The following FLT3LG variants were observed in gnomAD, a reference collection of about 807,000 sequenced individuals.
FLT3LG encodes the protein fms-related tyrosine kinase 3 ligand.
A neutral mutation model predicts 30.9 loss-of-function variants in FLT3LG; 8 were observed. That is an observed-to-expected ratio of 0.26 (90% CI 0.15 to 0.47). The LOEUF (loss-of-function observed/expected upper bound fraction) is 0.47. Ranked by LOEUF, FLT3LG falls within the 20% of genes least tolerant of loss-of-function variation. The pLI is 0.99. For missense variants in FLT3LG, 278 were observed against 306.2 expected (o/e 0.91, Z 0.69); for synonymous variants, 123 against 135.9 (o/e 0.91, Z 0.66).
chr19:49,485,195 G>T (rs1272765763), intron 8 of FLT3LG, among the ~76,000 whole-genome samples: 2 of 150,350 alleles, frequency 1.3e-5, no homozygotes, highest in Non-Finnish European at 3.0e-5. Flanking sequence ...CATGTGGCTT[G>T]TTACTCCCGT....
chr19:49,479,992 T>TG (rs1225076545), intron 6 of FLT3LG, among the ~76,000 whole-genome samples: 4 of 151,306 alleles, frequency 2.6e-5, no homozygotes, highest in Non-Finnish European at 5.9e-5. Context: ...TTAGTAGAGA[T>TG]GGGTTTTCAC....
In FLT3LG at chr19:49,478,323, C is replaced by T. The variant is rs1299573580; in HGVS notation, c.343-586C>T. Among the ~76,000 whole-genome samples, 7 of 151,416 alleles carry T rather than the reference C, an allele frequency of 4.6e-5. No individual in the cohort carries two copies. In the East Asian group the frequency reaches 5.9e-4, roughly 13 times the overall value. ...TCTACTAAAAATACAAACAATTAGC[C>T]GGGCGTGGTGGCAGGCGCCTGTAGT... On this transcript the variant is annotated intron_variant, in intron 5 of 8. Transcript: ENST00000597551.
At chr19:49,478,638 T>C (rs1193409839) in intron 5 of FLT3LG, among the ~76,000 whole-genome samples, 1 of 151,952 alleles carries the variant, frequency 6.6e-6, no homozygotes, top group Non-Finnish European at 1.5e-5. Context: ...CTGGGCATGG[T>C]GGTGGGCACC....
rs1375204578 is a variant in FLT3LG, at chr19:49,480,803, G to T, written c.*21+183G>T. ...TCCCAGCACTTTGGGAGGCCGAGGC[G>T]GGTGGATCACTTGAGGTCAGGAGTT... On this transcript the variant is annotated intron_variant, in intron 8 of 8. Coordinates refer to ENST00000597551, the MANE Select transcript of FLT3LG (RefSeq NM_001459.4). 4 of 616,416 alleles carry T rather than the reference G, an allele frequency of 6.5e-6. No individual in the cohort carries two copies. In the South Asian group the frequency reaches 8.0e-5, roughly 12 times the overall value. The allele number at this position is 616,416 out of a possible 1,614,324, so 38.2% of individuals were successfully genotyped here.
At chr19:49,478,853 G>T in intron 5 of FLT3LG, 56 bp from the exon 6 acceptor site, 1 of 1,439,214 alleles carries the variant, frequency 6.9e-7, no homozygotes, top group South Asian at 1.4e-5. Context: ...CCTTTGGCCT[G>T]CGGAGGGGCG....
chr19:49,474,867 A>G (rs2079320487), intron 2 of FLT3LG, among the ~76,000 whole-genome samples, 195 bp downstream of exon 2: 3 of 113,654 alleles, frequency 2.6e-5, no homozygotes, highest in East Asian at 2.9e-4. Context: ...GGATGGGGAG[A>G]TGGACAGAGG....
intron 1 of FLT3LG, 114 bp from the exon 2 acceptor site, chr19:49,474,489 G>A (rs2079303083): frequency 1.4e-6 from 1 of 710,212 alleles, no homozygotes; most frequent in African/African-American, 1.8e-5. Context: ...GGGGAGGAAG[G>A]GGCGGAAACT....
In FLT3LG at chr19:49,480,409, T is replaced by G; in HGVS notation, c.593T>G (p.Leu198Arg). 1 of 1,607,042 alleles carries G rather than the reference T, an allele frequency of 6.2e-7. No homozygotes were observed. Among genetic ancestry groups the G allele is most frequent in the South Asian group, 1.1e-5 (1 of 90,346 alleles). ...CTGCTGCTGCCCGTGGGCCTCCTGCTGCTGGCCGCTGCCTGGTGCCTGCAC... is the reference window on the plus strand; with the variant it reads ...CTGCTGCTGCCCGTGGGCCTCCTGCGGCTGGCCGCTGCCTGGTGCCTGCAC... ...LLLLLPVGLL[L>R]LAAAWCLHWQ... Residue 198 changes from leucine (L) to arginine (R), a missense_variant, in exon 7 of 9, where the codon CTG (leucine) becomes CGG (arginine). Leu to Arg is a moderately radical substitution (Grantham distance 102, BLOSUM62 -2). Transcript: ENST00000597551.
At chr19:49,485,768 T>G (rs1208306616) in intron 8 of FLT3LG, among the ~76,000 whole-genome samples, 1 of 152,228 alleles carries the variant, frequency 6.6e-6, no homozygotes, top group Non-Finnish European at 1.5e-5. Context: ...TCCACCAGCC[T>G]CAGCCTCCCA....
Position 49,475,682 on chromosome 19 carries a change from C to T in FLT3LG, c.34-9C>T, listed in dbSNP as rs1178850490. ...GCAGAGGGCTCCCCCAGCACCCGCT[C>T]CCCTGCAGACCTATCTCCTCCTGCT... On this transcript the variant is annotated splice_polypyrimidine_tract_variant and intron_variant, in intron 2 of 8. Transcript: ENST00000597551. The T allele has an allele frequency of 1.2e-6, 2 of 1,602,776 alleles. No individual in the cohort carries two copies. Among genetic ancestry groups the T allele is most frequent in the African/African-American group, 1.3e-5 (1 of 74,942 alleles).
chr19:49,480,465 C>T lies in FLT3LG; in HGVS notation c.649C>T (p.Pro217Ser), dbSNP rs754638098. 1 of 1,588,382 alleles carries T rather than the reference C, an allele frequency of 6.3e-7. No individual in the cohort carries two copies. The highest frequency in any genetic ancestry group is 8.6e-7 in the Non-Finnish European group (1 of 1,167,780). The change falls in exon 7 of 9, where the codon CCT becomes TCT. Residue 217 changes from proline (P) to serine (S), a missense_variant. Around this residue, in one of 3 missense-constraint regions of FLT3LG, gnomAD observed 170 missense variants for 162.0 expected, o/e 1.05. Coordinates refer to ENST00000597551, the MANE Select transcript of FLT3LG (RefSeq NM_001459.4). ...WQRTRRRTPR[P>S]GEQVPPVPSP... ...GAGGACGCGGCGGAGGACACCCCGC[C>T]CTGGGGAGCAGGTGAGCAGGCTGGG...
At chr19:49,485,777 C>T (rs1262847639) in intron 8 of FLT3LG, among the ~76,000 whole-genome samples, 1 of 152,198 alleles carries the variant, frequency 6.6e-6, no homozygotes, top group African/African-American at 2.4e-5. Context: ...CTCAGCCTCC[C>T]AAACTGCTGG....
At chr19:49,484,045 C>T (rs887385958) in intron 8 of FLT3LG, among the ~76,000 whole-genome samples, 2 of 151,068 alleles carry the variant, frequency 1.3e-5, no homozygotes, top group East Asian at 4.0e-4. Context: ...CCACCACACC[C>T]AGCTAATTTT....
intron 2 of FLT3LG, 84 bp downstream of exon 2, chr19:49,474,756 G>C: frequency 1.4e-6 from 2 of 1,420,544 alleles, no homozygotes; most frequent in South Asian, 2.4e-5. Flanking sequence ...ATGGACGGGA[G>C]AACAGATGGA....
chr19:49,476,888 T>G lies in FLT3LG; in HGVS notation c.342+322T>G, dbSNP rs1285333485. On this transcript the variant is annotated intron_variant, in intron 5 of 8. Coordinates refer to ENST00000597551, the MANE Select transcript of FLT3LG (RefSeq NM_001459.4). This position sits in a 1 kb window ranked among gnomAD's most constrained non-coding sequence, Gnocchi z 5.3. ...GAGGCCGGGCGTGGTGGCTCACTCC[T>G]GTAATCCTAGCACTTTGGGAGGCTG... 1.3e-5 allele frequency among the ~76,000 whole-genome samples: 2 copies of G among 151,966 alleles called. No homozygotes were observed. The highest frequency in any genetic ancestry group is 1.3e-4 in the Admixed American group (2 of 15,242).
Position 49,476,437 on chromosome 19 carries a change from G to A in FLT3LG, c.213G>A (p.Gly71=). The A allele has an allele frequency of 6.2e-7, 1 of 1,613,426 alleles. No individual in the cohort carries two copies. The highest frequency in any genetic ancestry group is 8.5e-7 in the Non-Finnish European group (1 of 1,179,770). The change falls in exon 5 of 9, where the codon GGG becomes GGA. Residue 71 remains glycine (G), a synonymous_variant. Coordinates refer to ENST00000597551, the MANE Select transcript of FLT3LG (RefSeq NM_001459.4). This position sits in a 1 kb window ranked among gnomAD's most constrained non-coding sequence, Gnocchi z 5.3. ...ASNLQDEELC[G]GLWRLVLAQR... ...CTCCCCTCTAGGAGGAGCTCTGCGG[G>A]GGCCTCTGGCGGCTGGTCCTGGCAC...
chr19:49,476,288 C>T lies in FLT3LG; in HGVS notation c.198+90C>T, dbSNP rs1016326206. 3 of 1,444,776 alleles carry T rather than the reference C, an allele frequency of 2.1e-6. No homozygotes were observed. In the African/African-American group the frequency reaches 4.2e-5, roughly 20 times the overall value. The allele number at this position is 1,444,776 out of a possible 1,614,324, so 89.5% of individuals were successfully genotyped here. A position where few individuals can be genotyped will look rare whatever the true frequency, so the allele number is the denominator to read the frequency against. On this transcript the variant is annotated intron_variant, in intron 4 of 8. Coordinates refer to ENST00000597551, the MANE Select transcript of FLT3LG (RefSeq NM_001459.4). This position sits in a 1 kb window ranked among gnomAD's most constrained non-coding sequence, Gnocchi z 5.3. ...GGCGAGTGGATAACCAGGCCCTCCC[C>T]TCCCCAAACCCAGGAATCAGAGTCC...
At chr19:49,477,634 T>G (rs138154253) in intron 5 of FLT3LG, among the ~76,000 whole-genome samples, 5,555 of 151,640 alleles carry the variant, frequency 0.037, 329 homozygotes, top group African/African-American at 0.13. Flanking sequence ...CCCAGCTACT[T>G]GGGAGACTGA....
Position 49,475,686 on chromosome 19 carries a change from T to G in FLT3LG, c.34-5T>G. Reference sequence around the variant, plus strand: ...AGGGCTCCCCCAGCACCCGCTCCCCTGCAGACCTATCTCCTCCTGCTGCTG... The same window carrying G: ...AGGGCTCCCCCAGCACCCGCTCCCCGGCAGACCTATCTCCTCCTGCTGCTG... On this transcript the variant is annotated splice_region_variant and splice_polypyrimidine_tract_variant and intron_variant, in intron 2 of 8. Coordinates refer to ENST00000597551, the MANE Select transcript of FLT3LG (RefSeq NM_001459.4). 1.2e-6 allele frequency: 2 copies of G among 1,603,556 alleles called. No homozygotes were observed. Among genetic ancestry groups the G allele is most frequent in the Non-Finnish European group, 1.7e-6 (2 of 1,179,682 alleles).
Sources: gnomAD v4.1 joint callset for allele counts (sites outside exome capture counted in the v4.1 genomes callset) on GRCh38, gnomAD v4.1.1 for gene constraint, gnomAD v4.1.1 regional missense constraint, Gnocchi (gnomAD v3.1) non-coding constraint, MANE v1.5 for transcripts, NCBI Gene and HGNC (gene_info 2026-07-23, HGNC 2026-07-21) for gene names.